Variants in RNF17 observed in about 807,000 individuals in gnomAD.
RNF17 encodes ring finger protein 17.
In RNF17, 31 loss-of-function variants were observed where a neutral mutation model predicts 200.5. The observed-to-expected ratio is 0.15, with a 90% CI of 0.12 to 0.21. RNF17 has a LOEUF of 0.21. Among genes scored for constraint, RNF17 ranks in the 10% least tolerant of loss-of-function variants. The probability of loss-of-function intolerance (pLI) is 1.00; values close to 1 mark genes in which losing one functional copy is unlikely to be tolerated. For synonymous variants in RNF17, 606 were observed against 637.8 expected (o/e 0.95, Z 0.75); for missense variants, 1,628 against 1,905.1 (o/e 0.85, Z 2.71).
Position 24,802,388 on chromosome 13 carries a change from G to T in RNF17, c.1766G>T (p.Gly589Val), listed in dbSNP as rs755876583. The T allele has an allele frequency of 1.2e-6, 2 of 1,611,210 alleles. No individual in the cohort carries two copies. Among genetic ancestry groups the T allele is most frequent in the Non-Finnish European group, 1.7e-6 (2 of 1,178,678 alleles). ...TTTTACTTTCTTGCACAGAATGAAG[G>T]CTGGGAAGAGGAAGCTAAAGTGGAA... ...KDIVPQNSNE[G>V]WEEEAKVEFL... is the part of the protein sequence containing the mutation. The change falls in exon 14 of 36, where the codon GGC becomes GTC. Residue 589 changes from glycine to valine, a missense_variant. Physicochemically the swap from Gly to Val is moderately radical, Grantham distance 109. This residue lies in a region of RNF17 where 289 missense variants were observed against 384.9 expected (regional missense o/e 0.75). Coordinates refer to ENST00000255324, the MANE Select transcript of RNF17 (RefSeq NM_031277.3).
chr13:24,787,742 G>A (rs899542009), intron 6 of RNF17, among the ~76,000 whole-genome samples: 1 of 152,032 alleles, frequency 6.6e-6, no homozygotes, highest in African/African-American at 2.4e-5. Context: ...CTCTAATTAT[G>A]TATACATAGC....
At chr13:24,776,917 TATATATGTATA>T (rs1881654561) in intron 3 of RNF17, among the ~76,000 whole-genome samples, 1 of 152,254 alleles carries the variant, frequency 6.6e-6, no homozygotes, top group African/African-American at 2.4e-5. Context: ...TACTCTTATC[TATATATGTATA>T]ATGTCTGTTA....
intron 22 of RNF17, 40 bp from the exon 23 acceptor site, chr13:24,850,301 C>A: frequency 2.3e-6 from 3 of 1,277,388 alleles, no homozygotes; most frequent in Non-Finnish European, 3.4e-6. Context: ...ATATTGTATG[C>A]TATTTTTATA....
chr13:24,886,526 T>C, the RNF17 span: 1 of 444,180 alleles, frequency 2.3e-6, no homozygotes, highest in Non-Finnish European at 4.3e-6. Flanking sequence ...GTCTAGGGAC[T>C]ACTGGGAGTG....
chr13:24,790,808 A>C (rs1883745862), intron 9 of RNF17, among the ~76,000 whole-genome samples: 1 of 152,162 alleles, frequency 6.6e-6, no homozygotes, highest in African/African-American at 2.4e-5. Flanking sequence ...AACTATCTTC[A>C]CAAGGTGGAA....
intron 3 of RNF17, among the ~76,000 whole-genome samples, chr13:24,777,767 G>A (rs1232274740): frequency 2.0e-5 from 3 of 152,016 alleles, no homozygotes; most frequent in Non-Finnish European, 2.9e-5. Flanking sequence ...CAATATATAA[G>A]CCATTATTTT....
chr13:24,881,776 A>G (rs543442690), downstream of RNF17, among the ~76,000 whole-genome samples: 3 of 146,926 alleles, frequency 2.0e-5, no homozygotes, highest in South Asian at 6.4e-4. Flanking sequence ...CAGCCTGGCC[A>G]ACATGGTGAA....
At chr13:24,784,968 A>G (rs1882908557) in intron 6 of RNF17, among the ~76,000 whole-genome samples, 1 of 152,088 alleles carries the variant, frequency 6.6e-6, no homozygotes, top group South Asian at 2.1e-4. Context: ...CGGCCTCCCA[A>G]AGTGCTGGGA....
intron 18 of RNF17, among the ~76,000 whole-genome samples, chr13:24,841,427 A>C (rs969449625): frequency 6.6e-6 from 1 of 152,212 alleles, no homozygotes; most frequent in South Asian, 2.1e-4. Flanking sequence ...TAAGAATACA[A>C]CAAAACACTT....
chr13:24,767,417 G>A (rs1879863501), intron 2 of RNF17, 51 bp downstream of exon 2: 2 of 1,232,652 alleles, frequency 1.6e-6, no homozygotes, highest in African/African-American at 1.5e-5. Context: ...AATGTTAATG[G>A]TAAAAATACT....
At chr13:24,783,460 G>A (rs1157241720) in intron 6 of RNF17, among the ~76,000 whole-genome samples, 2 of 152,116 alleles carry the variant, frequency 1.3e-5, no homozygotes, top group Admixed American at 6.5e-5. Flanking sequence ...GCATTGAATT[G>A]TAGATCACTT....
At chr13:24,828,403 A>T (rs532119548) in intron 16 of RNF17, among the ~76,000 whole-genome samples, 6 of 152,200 alleles carry the variant, frequency 3.9e-5, no homozygotes, top group African/African-American at 1.4e-4. Flanking sequence ...TATCTGCCTA[A>T]TTTAAAAGTT....
chr13:24,868,248 A>C (rs1256217276), intron 30 of RNF17, among the ~76,000 whole-genome samples: 1 of 151,786 alleles, frequency 6.6e-6, no homozygotes, highest in African/African-American at 2.4e-5. Flanking sequence ...AGGCGGGCGG[A>C]TCACGAGGTC....
intron 18 of RNF17, among the ~76,000 whole-genome samples, chr13:24,840,805 G>A (rs1444240705): frequency 2.0e-5 from 3 of 151,996 alleles, no homozygotes; most frequent in Non-Finnish European, 2.9e-5. Context: ...TTGGGTGATG[G>A]GTGCACCAAA....
rs1489545769 is a variant in RNF17, at chr13:24,870,630, A to C, written c.4338A>C (p.Thr1446=). Residue 1446 remains threonine, a synonymous_variant, in exon 32 of 36, where the codon ACA becomes ACC. Coordinates refer to ENST00000255324, the MANE Select transcript of RNF17 (RefSeq NM_031277.3). ...ACCAGTCTAACCAGCATAGTGACAC[A>C]GATGATAGTGGAGTCAGCGGGGAAT... is the stretch of plus-strand genomic sequence containing the variant. ...TSNQSNQHSD[T]DDSGVSGESE... 1.2e-6 allele frequency: 2 copies of C among 1,614,078 alleles called. No homozygotes were observed. Among genetic ancestry groups the C allele is most frequent in the Admixed American group, 3.3e-5 (2 of 60,030 alleles).
chr13:24,773,964 A>G (rs1881181743), intron 2 of RNF17, among the ~76,000 whole-genome samples: 1 of 152,186 alleles, frequency 6.6e-6, no homozygotes, highest in Non-Finnish European at 1.5e-5. Flanking sequence ...AAAAAATCAG[A>G]GACCGCAGGG....
At chr13:24,818,910 T>C (rs1178591121) in intron 15 of RNF17, among the ~76,000 whole-genome samples, 1 of 152,150 alleles carries the variant, frequency 6.6e-6, no homozygotes, top group Non-Finnish European at 1.5e-5. Flanking sequence ...AGGAAAGACT[T>C]CTGCCATTTG....
chr13:24,773,438 A>C (rs1328056490), intron 2 of RNF17, among the ~76,000 whole-genome samples: 2 of 152,232 alleles, frequency 1.3e-5, no homozygotes, highest in Non-Finnish European at 2.9e-5. Context: ...TATCCTAAGC[A>C]AATTAATGCA....
intron 18 of RNF17, among the ~76,000 whole-genome samples, chr13:24,840,127 C>T (rs759749451): frequency 2.6e-5 from 4 of 152,050 alleles, no homozygotes; most frequent in Non-Finnish European, 5.9e-5. Context: ...TGAAAAAATG[C>T]TCAACATCAC....
Sources: gnomAD v4.1 joint callset for allele counts (sites outside exome capture counted in the v4.1 genomes callset) on GRCh38, gnomAD v4.1.1 for gene constraint, gnomAD v4.1.1 regional missense constraint, MANE v1.5 for transcripts, NCBI Gene and HGNC (gene_info 2026-07-23, HGNC 2026-07-21) for gene names.